Variants in STOX1 observed in about 807,000 individuals in gnomAD.
STOX1 encodes the protein storkhead-box protein 1.
A neutral mutation model predicts 74.8 loss-of-function variants in STOX1; 57 were observed. The observed-to-expected ratio is 0.76, with a 90% CI of 0.62 to 0.95. The LOEUF (loss-of-function observed/expected upper bound fraction) is 0.95, where lower values mean the gene tolerates loss of function less well. Ranked by LOEUF, STOX1 falls within the 40% of genes least tolerant of loss-of-function variation. The pLI is 0.00. For missense variants in STOX1, 1,010 were observed against 1,117.0 expected (o/e 0.90, Z 1.37); for synonymous variants, 375 against 401.3 (o/e 0.93, Z 0.78).
At chr10:68,837,650 T>C (rs1303637812) in intron 1 of STOX1, among the ~76,000 whole-genome samples, 1 of 152,058 alleles carries the variant, frequency 6.6e-6, no homozygotes, top group African/African-American at 2.4e-5. Context: ...CCTACGGGAG[T>C]GCCCATGGTG....
Position 68,839,081 on chromosome 10 carries a change from A to C in STOX1, c.310+11148A>C, listed in dbSNP as rs759480733. ...CCCATATCCATGGATTGGGAGACTTAGTATTTTTTAAATGTTCATGCTACC... is the reference window on the plus strand; with the variant it reads ...CCCATATCCATGGATTGGGAGACTTCGTATTTTTTAAATGTTCATGCTACC... On this transcript the variant is annotated intron_variant, in intron 1 of 3. Coordinates refer to ENST00000298596, the MANE Select transcript of STOX1 (RefSeq NM_152709.5). 4.5e-4 allele frequency among the ~76,000 whole-genome samples: 69 copies of C among 152,198 alleles called. 1 individual carries two copies. Among genetic ancestry groups the C allele is most frequent in the African/African-American group, 1.6e-3 (66 of 41,454 alleles).
chr10:68,885,869 A>G lies in STOX1; in HGVS notation c.2073A>G (p.Ser691=). The G allele has an allele frequency of 6.2e-7, 1 of 1,614,158 alleles. No homozygotes were observed. The highest frequency in any genetic ancestry group is 1.3e-5 in the African/African-American group (1 of 75,068). The part of the protein sequence containing the change: ...LRQAARQDKD[S]EELLRKGFVQ... ...AAGCTGCAAGACAAGACAAAGACTC[A>G]GAAGAATTATTGAGAAAAGGATTTG... Residue 691 remains serine (S), a synonymous_variant, in exon 3 of 4, where the codon TCA becomes TCG. Transcript: ENST00000298596.
chr10:68,849,660 T>C (rs1382017984), intron 1 of STOX1, among the ~76,000 whole-genome samples: 1 of 151,982 alleles, frequency 6.6e-6, no homozygotes, highest in East Asian at 1.9e-4. Flanking sequence ...CCCATCTGAT[T>C]GGGCCAAGCG....
At chr10:68,832,012 C>T (rs570769877) in intron 1 of STOX1, among the ~76,000 whole-genome samples, 1 of 151,636 alleles carries the variant, frequency 6.6e-6, no homozygotes, top group Non-Finnish European at 1.5e-5. Flanking sequence ...GGATCCTCCC[C>T]CCTCGGCCTC....
intron 1 of STOX1, among the ~76,000 whole-genome samples, chr10:68,830,067 C>T (rs923927101): frequency 3.3e-5 from 5 of 152,126 alleles, no homozygotes; most frequent in Admixed American, 6.6e-5. Context: ...TGCTAAGTCA[C>T]GGGCTGCCAC....
At chr10:68,887,576 C>T (rs1330808502) in intron 3 of STOX1, among the ~76,000 whole-genome samples, 3 of 149,594 alleles carry the variant, frequency 2.0e-5, no homozygotes, top group Admixed American at 1.4e-4. Context: ...GCCACTGCGC[C>T]CAGCCTAATA....
chr10:68,829,730 T>G (rs976543157), intron 1 of STOX1, among the ~76,000 whole-genome samples: 2 of 151,954 alleles, frequency 1.3e-5, no homozygotes, highest in Admixed American at 1.3e-4. Flanking sequence ...CCGCCCCCGT[T>G]TTTCTTAAGC....
intron 1 of STOX1, chr10:68,828,319 C>T (rs1215755048): frequency 2.7e-5 from 31 of 1,136,014 alleles, no homozygotes; most frequent in Middle Eastern, 7.2e-4. Flanking sequence ...GCTGTGAGCG[C>T]GGAGCTCCGC....
chr10:68,895,075 A>G (rs1841168278), downstream of STOX1, among the ~76,000 whole-genome samples: 1 of 152,214 alleles, frequency 6.6e-6, no homozygotes, highest in Non-Finnish European at 1.5e-5. Context: ...AGCTTTGGAA[A>G]AGAATGAATT....
At chr10:68,856,632 A>G (rs1354783278) in intron 1 of STOX1, among the ~76,000 whole-genome samples, 1 of 152,068 alleles carries the variant, frequency 6.6e-6, no homozygotes, top group Non-Finnish European at 1.5e-5. Context: ...TAAGGATTAG[A>G]GGAGAACAGA....
At chr10:68,887,471 G>A (rs887274436) in intron 3 of STOX1, among the ~76,000 whole-genome samples, 3 of 151,930 alleles carry the variant, frequency 2.0e-5, no homozygotes, top group Non-Finnish European at 4.4e-5. Context: ...TAGTAGAGAC[G>A]AGTTTTCTCC....
Position 68,845,271 on chromosome 10 carries a change from A to ATTT in STOX1, c.310+17356_310+17358dup, listed in dbSNP as rs999265975. Among the ~76,000 whole-genome samples the ATTT allele has an allele frequency of 3.4e-4, 41 of 121,922 alleles. 1 individual carries two copies. The highest frequency in any genetic ancestry group is 1.1e-3 in the African/African-American group (36 of 31,506). The allele number at this position is 121,922 out of a possible 152,430, so 80.0% of individuals were successfully genotyped here. A position where few individuals can be genotyped will look rare whatever the true frequency, so the allele number is the denominator to read the frequency against. ...AGTTGCGCACCACAACAGCTGGCTA[A>ATTT]TTTTTTTTTTTTTTTTTTTTGAGAT... is the stretch of plus-strand genomic sequence containing the variant. On this transcript the variant is annotated intron_variant, in intron 1 of 3. Transcript: ENST00000298596.
At chr10:68,833,045 C>T (rs1280876756) in intron 1 of STOX1, among the ~76,000 whole-genome samples, 2 of 150,330 alleles carry the variant, frequency 1.3e-5, no homozygotes, top group Non-Finnish European at 2.9e-5. Flanking sequence ...GCTGGGATTA[C>T]AGGCATGAGC....
intron 1 of STOX1, among the ~76,000 whole-genome samples, chr10:68,854,966 G>C (rs1430334351): frequency 6.6e-6 from 1 of 151,974 alleles, no homozygotes; most frequent in Non-Finnish European, 1.5e-5. Flanking sequence ...AGCTAAGCAT[G>C]GTGGTGCATG....
At chr10:68,893,464 C>A (rs953122867), downstream of STOX1, among the ~76,000 whole-genome samples, 3 of 152,228 alleles carry the variant, frequency 2.0e-5, no homozygotes, top group African/African-American at 7.2e-5. Context: ...GTTGCCCAGG[C>A]TGGAGTGCAG....
At chr10:68,845,043 G>A (rs1589218949) in intron 1 of STOX1, among the ~76,000 whole-genome samples, 1 of 151,918 alleles carries the variant, frequency 6.6e-6, no homozygotes, top group Admixed American at 6.6e-5. Context: ...GATTATAGGT[G>A]TGAGCGACAG....
chr10:68,850,755 T>C (rs1489689047), intron 1 of STOX1, among the ~76,000 whole-genome samples: 1 of 152,202 alleles, frequency 6.6e-6, no homozygotes, highest in Non-Finnish European at 1.5e-5. Context: ...GTGGATTGCA[T>C]GAGCTCAGGA....
chr10:68,834,478 A>G (rs1285834165), intron 1 of STOX1, among the ~76,000 whole-genome samples: 1 of 152,160 alleles, frequency 6.6e-6, no homozygotes, highest in Non-Finnish European at 1.5e-5. Context: ...CTGAAGTCCT[A>G]CCTTGAATGA....
chr10:68,851,298 C>CT (rs1554828213), intron 1 of STOX1, among the ~76,000 whole-genome samples: 1 of 115,492 alleles, frequency 8.7e-6, no homozygotes, highest in Non-Finnish European at 1.8e-5. Flanking sequence ...GTGAGACTTT[C>CT]TAAAAAAAAA....
Sources: gnomAD v4.1 joint callset for allele counts (sites outside exome capture counted in the v4.1 genomes callset) on GRCh38, gnomAD v4.1.1 for gene constraint, MANE v1.5 for transcripts, NCBI Gene and HGNC (gene_info 2026-07-23, HGNC 2026-07-21) for gene names.